Variants in EFCAB6 observed in about 807,000 individuals in gnomAD.
EFCAB6 encodes the protein EF-hand calcium-binding domain-containing protein 6.
In EFCAB6, 156 loss-of-function variants were observed where a neutral mutation model predicts 169.8. The ratio of observed to expected loss-of-function variants is 0.92; its 90% CI spans 0.81 to 1.05. The LOEUF is 1.05. Ranked by LOEUF, EFCAB6 falls within the 50% of genes least tolerant of loss-of-function variation. EFCAB6 has a pLI of 0.00. For missense variants in EFCAB6, 1,800 were observed against 1,829.1 expected, an observed-to-expected ratio of 0.98 and a Z score of 0.29; for synonymous variants, 698 against 676.4, an observed-to-expected ratio of 1.03 and a Z score of -0.50.
At chr22:43,810,366 A>C (rs1378800540) in intron 1 of EFCAB6, among the ~76,000 whole-genome samples, 1 of 152,244 alleles carries the variant, frequency 6.6e-6, no homozygotes, top group African/African-American at 2.4e-5. Flanking sequence ...ATGGTACCTG[A>C]AACAAAGTAA....
At chr22:43,694,508 A>C (rs1447064644) in intron 10 of EFCAB6, among the ~76,000 whole-genome samples, 1 of 152,112 alleles carries the variant, frequency 6.6e-6, no homozygotes, top group Non-Finnish European at 1.5e-5. Context: ...AAGAAAAGGC[A>C]ATGTTAGACA....
intron 3 of EFCAB6, among the ~76,000 whole-genome samples, chr22:43,781,338 T>C (rs1388067955): frequency 6.6e-6 from 1 of 152,186 alleles, no homozygotes; most frequent in Non-Finnish European, 1.5e-5. Flanking sequence ...ATTATTATTT[T>C]TTTGAGACAG....
intron 8 of EFCAB6, among the ~76,000 whole-genome samples, chr22:43,727,312 T>C (rs1286523057): frequency 6.6e-6 from 1 of 152,112 alleles, no homozygotes; most frequent in East Asian, 1.9e-4. Flanking sequence ...CCTGTGGTCC[T>C]AGCTGGTCAT....
intron 26 of EFCAB6, among the ~76,000 whole-genome samples, chr22:43,567,131 TCCTCCTCATCATCCTCCTC>T (rs2049495069): frequency 1.5e-5 from 2 of 133,014 alleles, no homozygotes; most frequent in Non-Finnish European, 3.3e-5. Flanking sequence ...ATCCTCCTCG[TCCTCCTCATCATCCTCCTC>T]GTCCTCCCCC....
intron 2 of EFCAB6, among the ~76,000 whole-genome samples, chr22:43,807,611 A>T (rs938302884): frequency 6.6e-6 from 1 of 152,228 alleles, no homozygotes; most frequent in African/African-American, 2.4e-5. Context: ...TCAACACAAG[A>T]GTAAAAAGTG....
chr22:43,537,557 G>T lies in EFCAB6; in HGVS notation c.3880-12C>A. Reference sequence around the variant, plus strand: ...GTGCTCGCTGGAGTCTAGCAGGGAAGAAAAGAAAAGGCTCTTTTCACTTAA... The same window carrying T: ...GTGCTCGCTGGAGTCTAGCAGGGAATAAAAGAAAAGGCTCTTTTCACTTAA... On this transcript the variant is annotated splice_polypyrimidine_tract_variant and intron_variant, in intron 28 of 31. Transcript: ENST00000262726. The surrounding 1 kb of genome is among the most constrained non-coding windows in gnomAD (Gnocchi z 4.3). 6.3e-7 allele frequency: 1 copy of T among 1,598,694 alleles called. No individual in the cohort carries two copies.
chr22:43,682,873 C>G (rs1293134009), intron 12 of EFCAB6, among the ~76,000 whole-genome samples: 1 of 152,156 alleles, frequency 6.6e-6, no homozygotes, highest in East Asian at 1.9e-4. Context: ...TTCCTGAATC[C>G]ACACTGTGCT....
chr22:43,684,196 C>T (rs181966067), intron 11 of EFCAB6, among the ~76,000 whole-genome samples: 90 of 152,180 alleles, frequency 5.9e-4, no homozygotes, highest in African/African-American at 2.1e-3. Context: ...AAGCTGGGAG[C>T]CCCCCCTCCT....
chr22:43,807,844 C>T (rs939680637), intron 2 of EFCAB6, among the ~76,000 whole-genome samples: 5 of 152,196 alleles, frequency 3.3e-5, no homozygotes, highest in African/African-American at 9.7e-5. Context: ...CCCTTTATAG[C>T]CTTCCACACA....
rs1216991655 is a variant in EFCAB6, at chr22:43,589,465, CA to C, written c.3032+608del. On this transcript the variant is annotated intron_variant, in intron 24 of 31. Transcript: ENST00000262726. ...CCTCGTAGAACTACGTGATTCCTGCCAAAGTGCTGGAATAACTTGGATAAAA... is the reference window on the plus strand; with the variant it reads ...CCTCGTAGAACTACGTGATTCCTGCCAAGTGCTGGAATAACTTGGATAAAA... 3.3e-5 allele frequency among the ~76,000 whole-genome samples: 5 copies of C among 151,976 alleles called. No individual in the cohort carries two copies. In the East Asian group the frequency reaches 7.7e-4, roughly 24 times the overall value.
chr22:43,733,654 ATGT>A (rs1361201744), intron 7 of EFCAB6, among the ~76,000 whole-genome samples: 1 of 152,164 alleles, frequency 6.6e-6, no homozygotes, highest in Admixed American at 6.5e-5. Flanking sequence ...CATCACAGGC[ATGT>A]TGTTTACATT....
intron 2 of EFCAB6, among the ~76,000 whole-genome samples, chr22:43,783,531 C>A (rs907003842): frequency 6.6e-6 from 1 of 152,146 alleles, no homozygotes; most frequent in East Asian, 1.9e-4. Flanking sequence ...ATACAAAAAG[C>A]CCCTCAGCAA....
intron 6 of EFCAB6, among the ~76,000 whole-genome samples, chr22:43,742,962 G>A (rs117687887): frequency 0.015 from 2,256 of 152,286 alleles, 24 homozygotes; most frequent in Middle Eastern, 0.027. Flanking sequence ...AGCAAGGCTG[G>A]GGAAGGCAAG....
chr22:43,599,971 C>T (rs531546398), intron 23 of EFCAB6, 98 bp downstream of exon 23: 81 of 1,298,264 alleles, frequency 6.2e-5, no homozygotes, highest in Non-Finnish European at 7.0e-5. Flanking sequence ...TGTAACTTTG[C>T]CAGCATGGGA....
chr22:43,781,477 C>T (rs2148032098), intron 3 of EFCAB6, among the ~76,000 whole-genome samples: 1 of 152,306 alleles, frequency 6.6e-6, no homozygotes, highest in South Asian at 2.1e-4. Flanking sequence ...GCATGTACCA[C>T]TATGCCTGGC....
At chr22:43,697,844 A>G (rs1314958714) in intron 10 of EFCAB6, among the ~76,000 whole-genome samples, 1 of 152,166 alleles carries the variant, frequency 6.6e-6, no homozygotes, top group African/African-American at 2.4e-5. Flanking sequence ...GAAGAAACAT[A>G]CAGACTTGTC....
intron 8 of EFCAB6, among the ~76,000 whole-genome samples, chr22:43,728,831 G>C (rs1301063825): frequency 6.6e-6 from 1 of 152,178 alleles, no homozygotes; most frequent in East Asian, 1.9e-4. Context: ...TGGATAGATT[G>C]CAAAATTGTC....
intron 13 of EFCAB6, among the ~76,000 whole-genome samples, chr22:43,673,013 C>T (rs1266593716): frequency 1.3e-5 from 2 of 152,038 alleles, no homozygotes; most frequent in Admixed American, 6.6e-5. Flanking sequence ...ATCAGAATGG[C>T]GAAAACGCAA....
At chr22:43,641,055 G>T (rs1205925281) in intron 17 of EFCAB6, among the ~76,000 whole-genome samples, 1 of 152,118 alleles carries the variant, frequency 6.6e-6, no homozygotes, top group Non-Finnish European at 1.5e-5. Context: ...CTAACACATG[G>T]CAGGCACTCA....
Sources: allele counts gnomAD v4.1 joint callset (sites outside exome capture counted in the v4.1 genomes callset), GRCh38; gene constraint gnomAD v4.1.1; non-coding constraint Gnocchi (gnomAD v3.1); transcripts MANE v1.5; gene names NCBI Gene and HGNC (gene_info 2026-07-23, HGNC 2026-07-21).